LHX4: variants seen among roughly 807,000 people sequenced by gnomAD.
LHX4 encodes the protein LIM homeobox 4, also known as LIM/homeobox protein Lhx4.
LHX4 carries 16 observed loss-of-function variants against 39.2 expected under a neutral mutation model. That is an observed-to-expected ratio of 0.41 (90% confidence interval 0.28 to 0.62). The LOEUF (loss-of-function observed/expected upper bound fraction) is 0.62. Among genes scored for constraint, LHX4 ranks in the 20% least tolerant of loss-of-function variants. LHX4 has a pLI of 0.33. For missense variants in LHX4, 439 were observed against 511.9 expected (o/e 0.86, Z 1.37); for synonymous variants, 206 against 198.1 (o/e 1.04, Z -0.33).
chr1:180,230,715 G>C lies in LHX4; in HGVS notation c.76+110G>C. 9.9e-7 allele frequency: 1 copy of C among 1,011,740 alleles called. No individual in the cohort carries two copies. Among genetic ancestry groups the C allele is most frequent in the Non-Finnish European group, 1.5e-6 (1 of 655,116 alleles). 62.7% of individuals were successfully genotyped at this position (1,011,740 alleles called of 1,614,324 possible). ...CAGGGGCCGGGAGGGGCTGGCGGCC[G>C]GGGCGCAGAGGCGGTCACAGGGCAG... On this transcript the variant is annotated intron_variant, in intron 1 of 5. Transcript: ENST00000263726. The surrounding 1 kb of genome is among the most constrained non-coding windows in gnomAD (Gnocchi z 5.8).
intron 1 of LHX4, among the ~76,000 whole-genome samples, chr1:180,237,222 G>T (rs978404947): frequency 6.7e-6 from 1 of 148,378 alleles, no homozygotes; most frequent in African/African-American, 2.5e-5. Flanking sequence ...GGCGGGGGGG[G>T]CGGGGAGGAG....
At position 180,232,008 on chromosome 1, in the gene LHX4, T is replaced by A. The variant is rs1664195066; in HGVS notation, c.76+1403T>A. ...AACTGCCGGCAATCAGTTCCACGTC[T>A]GTGTTGAGCCTTGGGGAGTTTACCG... On this transcript the variant is annotated intron_variant, in intron 1 of 5. Transcript: ENST00000263726. The surrounding 1 kb of genome is among the most constrained non-coding windows in gnomAD (Gnocchi z 5.4). Among the ~76,000 whole-genome samples, 1 of 152,226 alleles carries A rather than the reference T, an allele frequency of 6.6e-6. No homozygotes were observed. The highest frequency in any genetic ancestry group is 1.5e-5 in the Non-Finnish European group (1 of 68,032).
At chr1:180,271,232 C>A in intron 3 of LHX4, 148 bp from the exon 4 acceptor site, 1 of 845,124 alleles carries the variant, frequency 1.2e-6, no homozygotes, top group Non-Finnish European at 2.0e-6. Context: ...AGAGTGGGGA[C>A]CTCTCCACTC....
intron 2 of LHX4, among the ~76,000 whole-genome samples, chr1:180,255,238 G>T (rs1244967703): frequency 6.6e-6 from 1 of 152,258 alleles, no homozygotes; most frequent in Non-Finnish European, 1.5e-5. Flanking sequence ...GTTGGTCGTA[G>T]AGTCAGTGTG....
At chr1:180,270,892 G>A (rs1344993124) in intron 3 of LHX4, 1 of 209,446 alleles carries the variant, frequency 4.8e-6, no homozygotes, top group Non-Finnish European at 9.9e-6. Flanking sequence ...CCCTGGCTGT[G>A]AGCCCAGCGA....
intron 1 of LHX4, among the ~76,000 whole-genome samples, chr1:180,246,047 C>T (rs1558211563): frequency 6.6e-6 from 1 of 151,862 alleles, no homozygotes; most frequent in African/African-American, 2.4e-5. Context: ...GGACAATTAG[C>T]AAGTGGGACA....
intron 1 of LHX4, among the ~76,000 whole-genome samples, chr1:180,243,923 G>A (rs956986019): frequency 1.3e-5 from 2 of 152,198 alleles, no homozygotes; most frequent in African/African-American, 2.4e-5. Flanking sequence ...TAAGGGGATG[G>A]TTCAGGCCCC....
At chr1:180,256,515 G>A (rs970792330) in intron 2 of LHX4, among the ~76,000 whole-genome samples, 2 of 152,204 alleles carry the variant, frequency 1.3e-5, no homozygotes, top group African/African-American at 4.8e-5. Context: ...TCCAGTTCCT[G>A]CGGGTGTCTG....
intron 1 of LHX4, among the ~76,000 whole-genome samples, chr1:180,233,736 A>G (rs1284929234): frequency 6.6e-6 from 1 of 152,022 alleles, no homozygotes. Flanking sequence ...GGCGGGAGAG[A>G]GGGCAGCCCG....
At chr1:180,262,881 T>C (rs560265473) in intron 2 of LHX4, among the ~76,000 whole-genome samples, 1 of 152,242 alleles carries the variant, frequency 6.6e-6, no homozygotes, top group African/African-American at 2.4e-5. Flanking sequence ...TCCAGTGGTG[T>C]TGGTTAGAGG....
intron 1 of LHX4, among the ~76,000 whole-genome samples, chr1:180,240,344 T>A (rs910031436): frequency 6.6e-6 from 1 of 152,194 alleles, no homozygotes; most frequent in African/African-American, 2.4e-5. Context: ...TAAACATTCC[T>A]ATCAGTACAA....
chr1:180,253,575 C>T (rs1317155525), intron 2 of LHX4, among the ~76,000 whole-genome samples: 3 of 152,260 alleles, frequency 2.0e-5, no homozygotes, highest in South Asian at 4.1e-4. Flanking sequence ...AGTTGAATTC[C>T]TGTCCTATCT....
In LHX4 at chr1:180,278,975, A is replaced by C. The variant is rs1248995830; in HGVS notation, c.*4396A>C. On this transcript the variant is annotated 3_prime_UTR_variant, in exon 6 of 6. Coordinates refer to ENST00000263726, the MANE Select transcript of LHX4 (RefSeq NM_033343.4). ...AAAATTATGTAAAATAAATATGGAA[A>C]TTCTTTAGATGCTGATGTGTCTTGC... is the stretch of plus-strand genomic sequence containing the variant. The C allele has an allele frequency of 1.3e-5, 2 of 152,198 alleles. No individual in the cohort carries two copies. The highest frequency in any genetic ancestry group is 4.8e-5 in the African/African-American group (2 of 41,448). 9.4% of individuals were successfully genotyped at this position (152,198 alleles called of 1,614,324 possible).
chr1:180,271,750 T>C, intron 4 of LHX4, 85 bp from the exon 5 acceptor site: 2 of 1,511,904 alleles, frequency 1.3e-6, no homozygotes, highest in East Asian at 4.5e-5. Flanking sequence ...TTCAGTCTGC[T>C]TCCAGCCGCC....
At position 180,274,640 on chromosome 1, in the gene LHX4, A is replaced by G; in HGVS notation, c.*61A>G. The G allele has an allele frequency of 6.7e-7, 1 of 1,482,000 alleles. No individual in the cohort carries two copies. Among genetic ancestry groups the G allele is most frequent in the Non-Finnish European group, 9.0e-7 (1 of 1,115,096 alleles). 91.8% of individuals were successfully genotyped at this position (1,482,000 alleles called of 1,614,324 possible). On this transcript the variant is annotated 3_prime_UTR_variant, in exon 6 of 6. Coordinates refer to ENST00000263726, the MANE Select transcript of LHX4 (RefSeq NM_033343.4). ...TTGAGAGAATATCTTCAAGGATCAA[A>G]AGAGACTTGCCTTTTAAGGATCGAA...
chr1:180,250,760 G>C (rs1015429400), intron 2 of LHX4, among the ~76,000 whole-genome samples: 1 of 152,174 alleles, frequency 6.6e-6, no homozygotes, highest in Admixed American at 6.5e-5. Flanking sequence ...CTATGGTTTG[G>C]AAAGAGAGGG....
In LHX4 at chr1:180,276,589, C is replaced by G. The variant is rs1165266064; in HGVS notation, c.*2010C>G. On this transcript the variant is annotated 3_prime_UTR_variant, in exon 6 of 6. Coordinates refer to ENST00000263726, the MANE Select transcript of LHX4 (RefSeq NM_033343.4). ...GAACACTGGGGTGGGGAGGAAGACA[C>G]AAATGCCATGTGAGGAAAGGAAAAT... The G allele has an allele frequency of 1.3e-5, 2 of 152,198 alleles. No homozygotes were observed. Among genetic ancestry groups the G allele is most frequent in the Admixed American group, 1.3e-4 (2 of 15,274 alleles). The allele number at this position is 152,198 out of a possible 1,614,324, so 9.4% of individuals were successfully genotyped here.
chr1:180,229,965 G>GGGGGGGGGC (rs1664130698), upstream of LHX4, among the ~76,000 whole-genome samples: 1 of 12,170 alleles, frequency 8.2e-5, no homozygotes, highest in Non-Finnish European at 2.6e-4. Context: ...GAGGCGGGGA[G>GGGGGGGGGC]GGGGGGGGGG....
rs1464661879 is a variant in LHX4 at position 180,275,884 on chromosome 1, C to T, written c.*1305C>T. On this transcript the variant is annotated 3_prime_UTR_variant, in exon 6 of 6. Coordinates refer to ENST00000263726, the MANE Select transcript of LHX4 (RefSeq NM_033343.4). The stretch of plus-strand genomic sequence containing the variant: ...TCCCCGTTGTGCAGGTTTGCAGTAG[C>T]AAATCACTAAGCCTGAGGCCAGAGC... 1.3e-5 allele frequency: 2 copies of T among 152,292 alleles called. No homozygotes were observed. Among genetic ancestry groups the T allele is most frequent in the Non-Finnish European group, 2.9e-5 (2 of 68,116 alleles). 9.4% of individuals were successfully genotyped at this position (152,292 alleles called of 1,614,324 possible). A position where few individuals can be genotyped will look rare whatever the true frequency, so the allele number is the denominator to read the frequency against.
Sources: allele counts gnomAD v4.1 joint callset (sites outside exome capture counted in the v4.1 genomes callset), GRCh38; gene constraint gnomAD v4.1.1; non-coding constraint Gnocchi (gnomAD v3.1); transcripts MANE v1.5; gene names NCBI Gene and HGNC (gene_info 2026-07-23, HGNC 2026-07-21).